The following THRB variants were observed in gnomAD, a reference collection of about 807,000 sequenced individuals.
The protein encoded by THRB is nuclear receptor subfamily 1 group A member 2.
Under a neutral mutation model 47.8 loss-of-function variants are expected in THRB, and 12 were observed. The ratio of observed to expected loss-of-function variants is 0.25; its 90% CI spans 0.16 to 0.41. The LOEUF (loss-of-function observed/expected upper bound fraction) is 0.41. Among genes scored for constraint, THRB ranks in the 10% least tolerant of loss-of-function variants. The probability of loss-of-function intolerance (pLI) is 1.00; values close to 1 mark genes in which losing one functional copy is unlikely to be tolerated. For missense variants in THRB, 348 were observed against 589.2 expected, an observed-to-expected ratio of 0.59 and a Z score of 4.24; for synonymous variants, 218 against 212.2, an observed-to-expected ratio of 1.03 and a Z score of -0.24.
intron 2 of THRB, among the ~76,000 whole-genome samples, chr3:24,330,826 A>C (rs2061875477): frequency 6.6e-6 from 1 of 152,234 alleles, no homozygotes; most frequent in South Asian, 2.1e-4. Context: ...GGTTAAAATA[A>C]GAAAACCAAG....
At chr3:24,329,445 G>A (rs1437248341) in intron 2 of THRB, among the ~76,000 whole-genome samples, 2 of 152,134 alleles carry the variant, frequency 1.3e-5, no homozygotes, top group African/African-American at 4.8e-5. Context: ...TCATTTTTGG[G>A]TTTCATTGTT....
chr3:24,122,806 A>C lies in THRB; in HGVS notation c.*78T>G. ...ATAATCCCTCCCAACACAAAGAAAC[A>C]AACAAAAAAGAGCTAGGCAATGGAA... On this transcript the variant is annotated 3_prime_UTR_variant, in exon 11 of 11. Transcript: ENST00000646209. The C allele has an allele frequency of 6.2e-7, 1 of 1,603,426 alleles. No homozygotes were observed. The highest frequency in any genetic ancestry group is 1.7e-5 in the Admixed American group (1 of 60,008).
intron 3 of THRB, among the ~76,000 whole-genome samples, chr3:24,277,093 G>A (rs1011262777): frequency 2.0e-5 from 3 of 152,198 alleles, no homozygotes; most frequent in Admixed American, 1.3e-4. Flanking sequence ...AGCTGTCAAC[G>A]TTGCCATAGA....
At chr3:24,220,095 A>G (rs1051372951) in intron 4 of THRB, among the ~76,000 whole-genome samples, 5 of 152,190 alleles carry the variant, frequency 3.3e-5, no homozygotes, top group Non-Finnish European at 5.9e-5. Flanking sequence ...GTTGTACTTT[A>G]GAATTACCTG....
At chr3:24,292,250 T>C (rs953758783) in intron 3 of THRB, among the ~76,000 whole-genome samples, 5 of 152,116 alleles carry the variant, frequency 3.3e-5, no homozygotes, top group Non-Finnish European at 5.9e-5. Flanking sequence ...GGCTGGAAGA[T>C]AGGGAGGGGG....
chr3:24,226,958 T>C (rs1438012740), intron 4 of THRB, among the ~76,000 whole-genome samples: 2 of 152,132 alleles, frequency 1.3e-5, no homozygotes, highest in African/African-American at 2.4e-5. Context: ...ACAATAAAAA[T>C]TGCCAGCCCC....
At chr3:24,208,235 G>A (rs1275195820) in intron 4 of THRB, among the ~76,000 whole-genome samples, 6 of 151,862 alleles carry the variant, frequency 4.0e-5, no homozygotes, top group Non-Finnish European at 5.9e-5. Flanking sequence ...CATGCTCATG[G>A]GTAGGAAGAA....
rs145456813 is a variant in THRB at position 24,465,269 on chromosome 3, T to C, written c.-261+29383A>G. On this transcript the variant is annotated intron_variant, in intron 1 of 10. Transcript: ENST00000646209. ...AAACACATTCTGCTGGTATCTAGCG[T>C]CTATTGTTGCTAATGAAAAGTTAGC... Among the ~76,000 whole-genome samples the C allele has an allele frequency of 3.9e-3, 590 of 152,326 alleles. 11 individuals carry two copies. Among genetic ancestry groups the C allele is most frequent in the African/African-American group, 0.012 (515 of 41,570 alleles).
chr3:24,268,376 G>C (rs556467291), intron 3 of THRB, among the ~76,000 whole-genome samples: 1 of 152,278 alleles, frequency 6.6e-6, no homozygotes, highest in African/African-American at 2.4e-5. Flanking sequence ...AGTGCAGCGA[G>C]GTGGGAAGAA....
chr3:24,255,204 G>A (rs2051128746), intron 3 of THRB, among the ~76,000 whole-genome samples: 1 of 152,094 alleles, frequency 6.6e-6, no homozygotes, highest in Non-Finnish European at 1.5e-5. Flanking sequence ...GATCAAATAT[G>A]CCATAACTGT....
chr3:24,255,169 T>C (rs760430654), intron 3 of THRB, among the ~76,000 whole-genome samples: 1 of 152,202 alleles, frequency 6.6e-6, no homozygotes, highest in Admixed American at 6.5e-5. Flanking sequence ...ATCGGTCCAG[T>C]ATTTTTGTTA....
At chr3:24,443,197 G>T (rs1448289562) in intron 1 of THRB, among the ~76,000 whole-genome samples, 2 of 152,042 alleles carry the variant, frequency 1.3e-5, no homozygotes, top group Admixed American at 6.5e-5. Flanking sequence ...AAACGATACT[G>T]ACAGAAGGAC....
chr3:24,478,846 A>G (rs1331297886), intron 1 of THRB, among the ~76,000 whole-genome samples: 3 of 152,170 alleles, frequency 2.0e-5, no homozygotes, highest in Non-Finnish European at 4.4e-5. Context: ...AAGAGGTAGA[A>G]CTAAAGTCTA....
At chr3:24,417,255 A>G (rs1269688073) in intron 1 of THRB, among the ~76,000 whole-genome samples, 1 of 151,898 alleles carries the variant, frequency 6.6e-6, no homozygotes, top group East Asian at 2.0e-4. Context: ...TATTTATGCA[A>G]GTAGGCTTGA....
intron 3 of THRB, among the ~76,000 whole-genome samples, chr3:24,291,446 G>A (rs548764715): frequency 6.6e-6 from 1 of 152,108 alleles, no homozygotes; most frequent in Non-Finnish European, 1.5e-5. Flanking sequence ...CTGGTTCTAG[G>A]ACCTCCCTTG....
chr3:24,319,373 T>C (rs866739532), intron 2 of THRB, among the ~76,000 whole-genome samples: 3 of 152,222 alleles, frequency 2.0e-5, no homozygotes, highest in Non-Finnish European at 4.4e-5. Context: ...ATGTACTCAA[T>C]ACTACTCTGC....
At chr3:24,156,960 AAGC>A (rs1304277581) in intron 5 of THRB, among the ~76,000 whole-genome samples, 1 of 152,200 alleles carries the variant, frequency 6.6e-6, no homozygotes, top group Non-Finnish European at 1.5e-5. Flanking sequence ...ATTAGGTACC[AAGC>A]TTTATATCAT....
intron 4 of THRB, among the ~76,000 whole-genome samples, chr3:24,218,362 T>TTTTA (rs1553649054): frequency 7.0e-5 from 9 of 128,432 alleles, no homozygotes; most frequent in East Asian, 4.5e-4. Flanking sequence ...TTTTTTTTTT[T>TTTTA]AAAAAGAAAA....
At chr3:24,402,796 A>G (rs1439057696) in intron 1 of THRB, among the ~76,000 whole-genome samples, 2 of 151,890 alleles carry the variant, frequency 1.3e-5, no homozygotes, top group Non-Finnish European at 2.9e-5. Flanking sequence ...TGACCCAGAA[A>G]TGTCAACTCC....
Sources: gnomAD v4.1 joint callset for allele counts (sites outside exome capture counted in the v4.1 genomes callset) on GRCh38, gnomAD v4.1.1 for gene constraint, MANE v1.5 for transcripts, NCBI Gene and HGNC (gene_info 2026-07-23, HGNC 2026-07-21) for gene names.